NT5DC3: variants seen among roughly 807,000 people sequenced by gnomAD.
The protein encoded by NT5DC3 is 5'-nucleotidase domain-containing protein 3.
Under a neutral mutation model 67.8 loss-of-function variants are expected in NT5DC3, and 42 were observed. The observed-to-expected ratio is 0.62, with a 90% CI of 0.48 to 0.80. The LOEUF is 0.80. Ranked by LOEUF, NT5DC3 falls within the 30% of genes least tolerant of loss-of-function variation. The pLI is 0.00. For synonymous variants in NT5DC3, 237 were observed against 255.6 expected, an observed-to-expected ratio of 0.93 and a Z score of 0.69; for missense variants, 570 against 696.4, an observed-to-expected ratio of 0.82 and a Z score of 2.04.
the NT5DC3 span, chr12:103,748,993 G>C: frequency 6.2e-7 from 1 of 1,613,902 alleles, no homozygotes; most frequent in Non-Finnish European, 8.5e-7. Flanking sequence ...GACAACGGGG[G>C]CTGTGCAAAG....
Position 103,775,088 on chromosome 12 carries a change from A to G in NT5DC3, c.*2741T>C, listed in dbSNP as rs185192824. On this transcript the variant is annotated 3_prime_UTR_variant, in exon 14 of 14. Coordinates refer to ENST00000392876, the MANE Select transcript of NT5DC3 (RefSeq NM_001031701.3). Reference sequence around the variant, plus strand: ...GAGTATATACAAGGATTAATAATAAAGTGGGATGTGCCTCCATCGTTCACA... The same window carrying G: ...GAGTATATACAAGGATTAATAATAAGGTGGGATGTGCCTCCATCGTTCACA... 59 of 152,226 alleles carry G rather than the reference A, an allele frequency of 3.9e-4. No individual in the cohort carries two copies. The highest frequency in any genetic ancestry group is 1.3e-3 in the African/African-American group (52 of 41,518). 9.4% of individuals were successfully genotyped at this position (152,226 alleles called of 1,614,324 possible).
chr12:103,795,061 C>G (rs924980797), intron 6 of NT5DC3, among the ~76,000 whole-genome samples: 1 of 152,170 alleles, frequency 6.6e-6, no homozygotes, highest in African/African-American at 2.4e-5. Context: ...TAAGAGTGAG[C>G]ACTTCTGGAC....
At chr12:103,782,929 T>A (rs1885617636) in intron 12 of NT5DC3, among the ~76,000 whole-genome samples, 2 of 152,226 alleles carry the variant, frequency 1.3e-5, no homozygotes, top group South Asian at 4.2e-4. Flanking sequence ...AAGGCTGCAG[T>A]GAGCCAAGAT....
chr12:103,831,934 G>T (rs1012499486), intron 1 of NT5DC3, among the ~76,000 whole-genome samples: 5 of 151,658 alleles, frequency 3.3e-5, no homozygotes, highest in Admixed American at 2.0e-4. Flanking sequence ...ATGCCACCTC[G>T]TCCAGCTAAT....
Position 103,835,193 on chromosome 12 carries a change from T to C in NT5DC3, c.208+5756A>G, listed in dbSNP as rs74418668. Among the ~76,000 whole-genome samples, 363 of 152,324 alleles carry C rather than the reference T, an allele frequency of 2.4e-3. 2 individuals carry two copies. The highest frequency in any genetic ancestry group is 8.6e-3 in the African/African-American group (359 of 41,566). The stretch of plus-strand genomic sequence containing the variant: ...AACCAGCAGCCTTCAAACCCACTGC[T>C]GGGTGCTTAATAAATGCTTGTTGGA... On this transcript the variant is annotated intron_variant, in intron 1 of 13. Coordinates refer to ENST00000392876, the MANE Select transcript of NT5DC3 (RefSeq NM_001031701.3).
chr12:103,825,168 C>G (rs1206455833), intron 1 of NT5DC3, among the ~76,000 whole-genome samples: 2 of 152,184 alleles, frequency 1.3e-5, no homozygotes. Context: ...ATATATTTTG[C>G]ATCGTCTCCG....
At chr12:103,808,973 C>T (rs1886918212) in intron 2 of NT5DC3, among the ~76,000 whole-genome samples, 1 of 152,188 alleles carries the variant, frequency 6.6e-6, no homozygotes, top group South Asian at 2.1e-4. Flanking sequence ...GCATCTCAAG[C>T]CTATTTTACT....
At chr12:103,758,393 T>A in the NT5DC3 span, 5 of 1,550,764 alleles carry the variant, frequency 3.2e-6, no homozygotes, top group Non-Finnish European at 4.3e-6. Context: ...TACACATTTA[T>A]TTAGCTCACA....
chr12:103,771,375 G>C (rs1410287283), downstream of NT5DC3: 1 of 152,124 alleles, frequency 6.6e-6, no homozygotes, highest in Non-Finnish European at 1.5e-5. Flanking sequence ...AATTTTTTGT[G>C]GTTACCTATA....
In NT5DC3 at chr12:103,773,044, T is replaced by C. The variant is rs1396315745; in HGVS notation, c.*4785A>G. 4 of 152,244 alleles carry C rather than the reference T, an allele frequency of 2.6e-5. No individual in the cohort carries two copies. Among genetic ancestry groups the C allele is most frequent in the African/African-American group, 4.8e-5 (2 of 41,468 alleles). 9.4% of individuals were successfully genotyped at this position (152,244 alleles called of 1,614,324 possible). ...CACACACTGGCCATACATGTAACTATGCCCAGGAAGTAGCTCAGAGGGAAT... is the reference window on the plus strand; with the variant it reads ...CACACACTGGCCATACATGTAACTACGCCCAGGAAGTAGCTCAGAGGGAAT... On this transcript the variant is annotated 3_prime_UTR_variant, in exon 14 of 14. Transcript: ENST00000392876.
intron 5 of NT5DC3, 57 bp from the exon 6 acceptor site, chr12:103,797,088 C>G: frequency 6.3e-7 from 1 of 1,586,474 alleles, no homozygotes. Context: ...AGGGACAGAG[C>G]CACGAAGCAC....
rs944681844 is a variant in NT5DC3 at position 103,775,618 on chromosome 12, A to C, written c.*2211T>G. On this transcript the variant is annotated 3_prime_UTR_variant, in exon 14 of 14. Transcript: ENST00000392876. ...AAGTGTCAGCCTCCAATACACCCTG[A>C]TGGCGAAAACACCTAGAAGCAAGCA... 1.3e-5 allele frequency: 2 copies of C among 152,234 alleles called. No homozygotes were observed. The highest frequency in any genetic ancestry group is 2.9e-5 in the Non-Finnish European group (2 of 68,062). The allele number at this position is 152,234 out of a possible 1,614,324, so 9.4% of individuals were successfully genotyped here. A position where few individuals can be genotyped will look rare whatever the true frequency, so the allele number is the denominator to read the frequency against.
the NT5DC3 span, chr12:103,757,900 T>G: frequency 2.2e-6 from 1 of 464,596 alleles, no homozygotes; most frequent in South Asian, 2.7e-5. Context: ...AGACTCGAGA[T>G]TTGATGCACC....
At chr12:103,820,224 C>T (rs1190279111) in intron 1 of NT5DC3, among the ~76,000 whole-genome samples, 1 of 152,232 alleles carries the variant, frequency 6.6e-6, no homozygotes, top group Non-Finnish European at 1.5e-5. Flanking sequence ...AGTATCTGTT[C>T]AAATCCTCGT....
intron 1 of NT5DC3, among the ~76,000 whole-genome samples, chr12:103,831,594 G>T (rs1887929027): frequency 6.6e-6 from 1 of 151,996 alleles, no homozygotes; most frequent in African/African-American, 2.4e-5. Context: ...TTGTCTCCCT[G>T]CACGGAAGGA....
In NT5DC3 at chr12:103,827,180, G is replaced by A. The variant is rs372579869; in HGVS notation, c.209-12059C>T. The stretch of plus-strand genomic sequence containing the variant: ...GAATTGCTTGAACCCAGGAGATGGA[G>A]GTTACAGTGAGCTGTGATCATGCCA... On this transcript the variant is annotated intron_variant, in intron 1 of 13. Transcript: ENST00000392876. Among the ~76,000 whole-genome samples, 15 of 152,306 alleles carry A rather than the reference G, an allele frequency of 9.8e-5. No individual in the cohort carries two copies. The East Asian group carries it at 2.5e-3, about 25-fold the overall frequency.
chr12:103,820,145 G>T (rs919227916), intron 1 of NT5DC3, among the ~76,000 whole-genome samples: 1 of 152,178 alleles, frequency 6.6e-6, no homozygotes, highest in African/African-American at 2.4e-5. Context: ...TTATCCATTT[G>T]TCAATCAACA....
chr12:103,801,421 C>A (rs1262561327), intron 4 of NT5DC3, among the ~76,000 whole-genome samples: 1 of 115,772 alleles, frequency 8.6e-6, no homozygotes, highest in Non-Finnish European at 1.6e-5. Flanking sequence ...CTTGCTCTGT[C>A]GCCCAGGCTG....
intron 1 of NT5DC3, among the ~76,000 whole-genome samples, chr12:103,839,085 A>G (rs1421640067): frequency 6.6e-6 from 1 of 152,244 alleles, no homozygotes; most frequent in Non-Finnish European, 1.5e-5. Flanking sequence ...ACAGAAATAC[A>G]TCTGTGCTCT....
Sources: allele counts gnomAD v4.1 joint callset (sites outside exome capture counted in the v4.1 genomes callset), GRCh38; gene constraint gnomAD v4.1.1; transcripts MANE v1.5; gene names NCBI Gene and HGNC (gene_info 2026-07-23, HGNC 2026-07-21).